The following DHRSX variants were observed in gnomAD, a reference collection of about 807,000 sequenced individuals.
DHRSX encodes the protein polyprenol dehydrogenase.
A neutral mutation model predicts 34.0 loss-of-function variants in DHRSX; 31 were observed. The observed-to-expected ratio is 0.91, with a 90% CI of 0.69 to 1.23. The LOEUF (loss-of-function observed/expected upper bound fraction) is 1.23, where lower values mean the gene tolerates loss of function less well. Among genes scored for constraint, DHRSX ranks in the 50% most tolerant of loss-of-function variants. The pLI, the probability that DHRSX is intolerant of heterozygous loss-of-function variation, is 0.00. For synonymous variants in DHRSX, 201 were observed against 183.8 expected, an observed-to-expected ratio of 1.09 and a Z score of -0.76; for missense variants, 414 against 428.1, an observed-to-expected ratio of 0.97 and a Z score of 0.29.
chrX:2,321,147 G>A (rs1173833456), intron 3 of DHRSX, among the ~76,000 whole-genome samples: 5 of 152,118 alleles, frequency 3.3e-5, no homozygotes, highest in Non-Finnish European at 7.3e-5. Context: ...TCTTCATGCC[G>A]AGGGGATGGG....
At chrX:2,450,025 C>A (rs867621830) in intron 1 of DHRSX, among the ~76,000 whole-genome samples, 2 of 151,942 alleles carry the variant, frequency 1.3e-5, no homozygotes, top group Non-Finnish European at 2.9e-5. Context: ...ATTACACTGA[C>A]GAAAACCTCA....
intron 6 of DHRSX, among the ~76,000 whole-genome samples, chrX:2,231,570 TTCC>T (rs1569477305): frequency 6.7e-6 from 1 of 150,134 alleles, no homozygotes; most frequent in Non-Finnish European, 1.5e-5. Flanking sequence ...TTCTCTCTTC[TTCC>T]TCCTCCATCG....
At chrX:2,468,898 G>A (rs1199456103) in intron 1 of DHRSX, among the ~76,000 whole-genome samples, 1 of 150,140 alleles carries the variant, frequency 6.7e-6, no homozygotes, top group South Asian at 2.1e-4. Context: ...CTAGCAATAA[G>A]GCCAAGTGAC....
chrX:2,490,922 T>C (rs1487765807), intron 1 of DHRSX: 7 of 664,534 alleles, frequency 1.1e-5, no homozygotes, highest in South Asian at 9.4e-5. Context: ...CGGGTCACTT[T>C]TGCAGAGTGG....
At chrX:2,446,637 G>A (rs1397736682) in intron 1 of DHRSX, among the ~76,000 whole-genome samples, 3 of 148,828 alleles carry the variant, frequency 2.0e-5, no homozygotes, top group African/African-American at 4.9e-5. Flanking sequence ...GCTAAGGGAC[G>A]GTAGCCATGT....
intron 3 of DHRSX, among the ~76,000 whole-genome samples, chrX:2,384,222 G>A (rs1326357670): frequency 6.6e-6 from 1 of 152,168 alleles, no homozygotes; most frequent in African/African-American, 2.4e-5. Flanking sequence ...CTCTAGGATC[G>A]ACTGTAGGCA....
intron 1 of DHRSX, among the ~76,000 whole-genome samples, chrX:2,491,077 T>G (rs866406418): frequency 1.4e-5 from 2 of 146,822 alleles, no homozygotes; most frequent in African/African-American, 2.5e-5. Context: ...TTTTTTTTTT[T>G]TTTTTTTTTT....
intron 1 of DHRSX, among the ~76,000 whole-genome samples, chrX:2,460,660 A>T (rs1282819745): frequency 7.3e-5 from 11 of 150,096 alleles, no homozygotes; most frequent in South Asian, 6.3e-4. Flanking sequence ...CACGTTTCAC[A>T]GCAGCCTCCA....
chrX:2,282,671 A>T (rs765247319), intron 4 of DHRSX, among the ~76,000 whole-genome samples: 2 of 121,796 alleles, frequency 1.6e-5, no homozygotes, highest in Admixed American at 8.0e-5. Context: ...AATGGGAGAA[A>T]AGGAGAGAGA....
At chrX:2,316,890 G>A (rs1456068422) in intron 3 of DHRSX, among the ~76,000 whole-genome samples, 1 of 152,124 alleles carries the variant, frequency 6.6e-6, no homozygotes, top group African/African-American at 2.4e-5. Context: ...GGTTAATTTT[G>A]CCACGGTTGA....
At chrX:2,353,863 G>A (rs2042816802) in intron 3 of DHRSX, among the ~76,000 whole-genome samples, 1 of 152,008 alleles carries the variant, frequency 6.6e-6, no homozygotes, top group African/African-American at 2.4e-5. Context: ...GGGATTACAG[G>A]AGCCAGGCCT....
intron 4 of DHRSX, among the ~76,000 whole-genome samples, chrX:2,282,786 G>GAA (rs2041736147): frequency 1.6e-5 from 1 of 61,596 alleles, no homozygotes; most frequent in Non-Finnish European, 4.0e-5. Flanking sequence ...GGGAGGGGGA[G>GAA]AGAGAGAAGA....
chrX:2,260,780 G>T (rs2041353701), intron 5 of DHRSX, among the ~76,000 whole-genome samples: 1 of 151,996 alleles, frequency 6.6e-6, no homozygotes. Flanking sequence ...TTCTTGTAAG[G>T]CCACCCATCA....
intron 1 of DHRSX, among the ~76,000 whole-genome samples, chrX:2,443,221 G>A (rs1056604916): frequency 2.4e-4 from 36 of 151,768 alleles, no homozygotes; most frequent in African/African-American, 8.5e-4. Flanking sequence ...TTATATAGAC[G>A]GGGGTCTCAC....
intron 4 of DHRSX, among the ~76,000 whole-genome samples, chrX:2,288,036 G>A (rs2041825373): frequency 6.6e-6 from 1 of 152,082 alleles, no homozygotes; most frequent in Non-Finnish European, 1.5e-5. Context: ...TTGAGATGAG[G>A]TGATTATCTG....
chrX:2,360,868 G>A lies in DHRSX; in HGVS notation c.286+47877C>T, dbSNP rs180713805. 2.1e-4 allele frequency among the ~76,000 whole-genome samples: 32 copies of A among 152,112 alleles called. No individual in the cohort carries two copies. The East Asian group carries it at 4.6e-3, about 22-fold the overall frequency. ...TCTCTGCCAACGTTAGATATGTCAC[G>A]GTTGAATGACTAAACACCAAATACA... is the stretch of plus-strand genomic sequence containing the variant. On this transcript the variant is annotated intron_variant, in intron 3 of 6. Transcript: ENST00000334651.
At chrX:2,258,980 A>C (rs2041317295) in intron 5 of DHRSX, among the ~76,000 whole-genome samples, 1 of 152,164 alleles carries the variant, frequency 6.6e-6, no homozygotes, top group East Asian at 1.9e-4. Context: ...GTCTCGAAAA[A>C]ATAGGGGGAA....
chrX:2,309,247 A>G (rs756825414), intron 3 of DHRSX, among the ~76,000 whole-genome samples: 1 of 152,286 alleles, frequency 6.6e-6, no homozygotes, highest in Non-Finnish European at 1.5e-5. Context: ...TTCAAAGAAC[A>G]GATAAGTGCC....
At chrX:2,328,534 T>C (rs1279837307) in intron 3 of DHRSX, among the ~76,000 whole-genome samples, 1 of 149,352 alleles carries the variant, frequency 6.7e-6, no homozygotes, top group East Asian at 2.0e-4. Context: ...GATAGCAGCC[T>C]GAGATGGACT....
Sources: allele counts gnomAD v4.1 joint callset (sites outside exome capture counted in the v4.1 genomes callset), GRCh38; gene constraint gnomAD v4.1.1; transcripts MANE v1.5; gene names NCBI Gene and HGNC (gene_info 2026-07-23, HGNC 2026-07-21).